CACNA2D3: variants seen among roughly 807,000 people sequenced by gnomAD.
The protein encoded by CACNA2D3 is calcium voltage-gated channel auxiliary subunit alpha2delta 3.
CACNA2D3 carries 60 observed loss-of-function variants against 160.6 expected under a neutral mutation model. The ratio of observed to expected loss-of-function variants is 0.37; its 90% CI spans 0.30 to 0.46. The LOEUF is 0.46. Ranked by LOEUF, CACNA2D3 falls within the 20% of genes least tolerant of loss-of-function variation. The pLI, the probability that CACNA2D3 is intolerant of heterozygous loss-of-function variation, is 1.00. For missense variants in CACNA2D3, 1,205 were observed against 1,365.0 expected (o/e 0.88, Z 1.85); for synonymous variants, 558 against 492.9 (o/e 1.13, Z -1.75).
At chr3:54,605,523 C>CA (rs1698586942) in intron 9 of CACNA2D3, among the ~76,000 whole-genome samples, 1 of 152,194 alleles carries the variant, frequency 6.6e-6, no homozygotes, top group Non-Finnish European at 1.5e-5. Flanking sequence ...CCTGACCACC[C>CA]AACCACAGCA....
At chr3:54,236,155 T>C (rs1701872275) in intron 2 of CACNA2D3, among the ~76,000 whole-genome samples, 1 of 152,118 alleles carries the variant, frequency 6.6e-6, no homozygotes, top group Non-Finnish European at 1.5e-5. Flanking sequence ...ACAGTACTGC[T>C]CAAAACAAGC....
intron 13 of CACNA2D3, among the ~76,000 whole-genome samples, chr3:54,797,669 A>C (rs1168299432): frequency 6.6e-6 from 1 of 152,092 alleles, no homozygotes; most frequent in Non-Finnish European, 1.5e-5. Context: ...TATTTAAAGC[A>C]CCTTACTGAT....
intron 2 of CACNA2D3, among the ~76,000 whole-genome samples, chr3:54,135,559 A>G (rs545372966): frequency 7.4e-4 from 113 of 152,360 alleles, no homozygotes; most frequent in African/African-American, 2.6e-3. Context: ...ATTTCACTCC[A>G]GCCTCTGCTT....
At chr3:54,685,825 C>T (rs1700440046) in intron 11 of CACNA2D3, among the ~76,000 whole-genome samples, 1 of 152,164 alleles carries the variant, frequency 6.6e-6, no homozygotes, top group Non-Finnish European at 1.5e-5. Flanking sequence ...TTCCTTCCTC[C>T]ACCTCATCAG....
chr3:54,803,541 A>C (rs1025040116), intron 13 of CACNA2D3, among the ~76,000 whole-genome samples: 15 of 152,204 alleles, frequency 9.9e-5, no homozygotes, highest in Admixed American at 9.2e-4. Context: ...GCCTCCAAGA[A>C]ATATGGGACT....
At chr3:54,705,265 C>A (rs756349715) in intron 11 of CACNA2D3, among the ~76,000 whole-genome samples, 1 of 152,078 alleles carries the variant, frequency 6.6e-6, no homozygotes, top group Non-Finnish European at 1.5e-5. Context: ...ACATTATTTC[C>A]TTTCCCAGCA....
At chr3:54,898,129 T>G (rs1700235690) in intron 26 of CACNA2D3, among the ~76,000 whole-genome samples, 1 of 141,004 alleles carries the variant, frequency 7.1e-6, no homozygotes, top group African/African-American at 2.7e-5. Flanking sequence ...TTCTTTCTTT[T>G]TCTTTTTCTT....
At chr3:54,878,457 C>G (rs1044410381) in intron 18 of CACNA2D3, among the ~76,000 whole-genome samples, 3 of 152,194 alleles carry the variant, frequency 2.0e-5, no homozygotes, top group Admixed American at 2.0e-4. Flanking sequence ...GATACAGGGT[C>G]GCTCCTGTTC....
rs34235458 is a variant in CACNA2D3 at position 54,823,388 on chromosome 3, G to GT, written c.1398+6527dup. ...CATTTTATTATTAACTTTTTTAAAA[G>GT]TTTTTTTTTAGCTTTTACACTTTTA... is the stretch of plus-strand genomic sequence containing the variant. On this transcript the variant is annotated intron_variant, in intron 14 of 37. Transcript: ENST00000474759. Among the ~76,000 whole-genome samples the GT allele has an allele frequency of 4.7e-3, 706 of 151,180 alleles. 10 individuals are homozygous for GT. The highest frequency in any genetic ancestry group is 0.016 in the African/African-American group (665 of 41,234).
chr3:54,776,926 C>T (rs1702436443), intron 13 of CACNA2D3, among the ~76,000 whole-genome samples: 2 of 152,312 alleles, frequency 1.3e-5, no homozygotes, highest in South Asian at 4.1e-4. Context: ...ATCTGTACTG[C>T]TTTTCCCCCA....
chr3:54,413,424 CTATA>C (rs151332125), intron 4 of CACNA2D3, among the ~76,000 whole-genome samples: 1 of 145,536 alleles, frequency 6.9e-6, no homozygotes, highest in African/African-American at 2.5e-5. Context: ...ATATAGATAT[CTATA>C]TATATATATA....
chr3:54,391,928 A>G (rs1174903480), intron 4 of CACNA2D3, among the ~76,000 whole-genome samples: 1 of 151,980 alleles, frequency 6.6e-6, no homozygotes, highest in Non-Finnish European at 1.5e-5. Flanking sequence ...TTATTCCCTG[A>G]TATCTTCATT....
rs114707666 is a variant in CACNA2D3, at chr3:54,197,906, T to C, written c.204+74312T>C. Among the ~76,000 whole-genome samples, 373 of 152,264 alleles carry C rather than the reference T, an allele frequency of 2.4e-3. 2 individuals are homozygous for C. Among genetic ancestry groups the C allele is most frequent in the African/African-American group, 8.0e-3 (333 of 41,558 alleles). On this transcript the variant is annotated intron_variant, in intron 2 of 37. Transcript: ENST00000474759. Reference sequence around the variant, plus strand: ...AACCTGAAGTTAAAAGTTTCTAGCTTTGGGGTGTTAGAGACCACTTGGGAG... The same window carrying C: ...AACCTGAAGTTAAAAGTTTCTAGCTCTGGGGTGTTAGAGACCACTTGGGAG...
At chr3:54,299,759 A>G (rs1559914463) in intron 2 of CACNA2D3, among the ~76,000 whole-genome samples, 1 of 152,234 alleles carries the variant, frequency 6.6e-6, no homozygotes, top group Non-Finnish European at 1.5e-5. Context: ...GATTAACAAA[A>G]GGAGACATTA....
intron 27 of CACNA2D3, among the ~76,000 whole-genome samples, chr3:54,922,478 G>T (rs1282815795): frequency 6.6e-6 from 1 of 152,166 alleles, no homozygotes; most frequent in African/African-American, 2.4e-5. Flanking sequence ...TAAGGAAGAT[G>T]TTGCCATAGT....
At chr3:54,754,660 A>G (rs1229124293) in intron 12 of CACNA2D3, among the ~76,000 whole-genome samples, 1 of 152,096 alleles carries the variant, frequency 6.6e-6, no homozygotes, top group Non-Finnish European at 1.5e-5. Context: ...TCTAAGTACT[A>G]ATAAAGGAAG....
At chr3:54,618,377 A>ATATATATATATATATG (rs1261954509) in intron 9 of CACNA2D3, among the ~76,000 whole-genome samples, 31 of 122,028 alleles carry the variant, frequency 2.5e-4, no homozygotes, top group Non-Finnish European at 4.9e-4. Flanking sequence ...ATATATATGC[A>ATATATATATATATATG]CACACACACA....
intron 13 of CACNA2D3, among the ~76,000 whole-genome samples, chr3:54,816,258 A>G (rs1423990294): frequency 6.6e-6 from 1 of 152,196 alleles, no homozygotes; most frequent in East Asian, 1.9e-4. Context: ...GACTTTAAAA[A>G]CAAGCATTTT....
chr3:54,852,570 G>T (rs1699082097), intron 17 of CACNA2D3, among the ~76,000 whole-genome samples: 1 of 152,218 alleles, frequency 6.6e-6, no homozygotes, highest in Non-Finnish European at 1.5e-5. Flanking sequence ...GCCTTTCCCT[G>T]TGTCACTCTG....
Sources: allele counts gnomAD v4.1 joint callset (sites outside exome capture counted in the v4.1 genomes callset), GRCh38; gene constraint gnomAD v4.1.1; transcripts MANE v1.5; gene names NCBI Gene and HGNC (gene_info 2026-07-23, HGNC 2026-07-21).